ARB2A: variants seen among roughly 807,000 people sequenced by gnomAD.
ARB2A encodes ARB2 cotranscriptional regulator A, also known as cotranscriptional regulator ARB2A.
chr5:93,673,924 C>A, the ARB2A span, among the ~76,000 whole-genome samples: 1 of 151,870 alleles, frequency 6.6e-6, no homozygotes, highest in Non-Finnish European at 1.5e-5. Context: ...AGAAACATAT[C>A]CCTTTTATTC....
chr5:94,095,261 C>T, the ARB2A span, among the ~76,000 whole-genome samples: 1 of 152,190 alleles, frequency 6.6e-6, no homozygotes, highest in Admixed American at 6.5e-5. Flanking sequence ...GATCCTCAAT[C>T]ATACCATTAG....
the ARB2A span, among the ~76,000 whole-genome samples, chr5:93,662,008 C>T: frequency 1.3e-5 from 2 of 152,066 alleles, no homozygotes; most frequent in Admixed American, 6.6e-5. Context: ...TACCATATGT[C>T]GCATGAGAGC....
chr5:93,627,776 T>C, the ARB2A span, among the ~76,000 whole-genome samples: 1 of 152,060 alleles, frequency 6.6e-6, no homozygotes, highest in African/African-American at 2.4e-5. Context: ...ACTTGAAAGT[T>C]GAAACTACTC....
At chr5:93,804,800 A>G in the ARB2A span, 1 of 531,788 alleles carries the variant, frequency 1.9e-6, no homozygotes. Flanking sequence ...AAAACAAAGT[A>G]TATCTTTAGT....
the ARB2A span, among the ~76,000 whole-genome samples, chr5:94,107,396 T>C: frequency 2.0e-5 from 3 of 152,206 alleles, no homozygotes; most frequent in South Asian, 6.2e-4. Context: ...ACAAGTAAAA[T>C]TGTCATACAA....
the ARB2A span, among the ~76,000 whole-genome samples, chr5:94,001,152 C>T: frequency 1.3e-5 from 2 of 152,038 alleles, no homozygotes; most frequent in African/African-American, 4.8e-5. Context: ...CTCATATACA[C>T]TTTAGAATCA....
chr5:93,817,561 G>C, the ARB2A span, among the ~76,000 whole-genome samples: 2 of 152,156 alleles, frequency 1.3e-5, no homozygotes, highest in African/African-American at 4.8e-5. Flanking sequence ...TCTACTCCCT[G>C]ATTTCCAAAC....
the ARB2A span, among the ~76,000 whole-genome samples, chr5:94,035,253 A>ACATATG: frequency 2.0e-5 from 3 of 151,980 alleles, no homozygotes; most frequent in African/African-American, 7.3e-5. Flanking sequence ...ATATACATAT[A>ACATATG]CATCACTATA....
the ARB2A span, among the ~76,000 whole-genome samples, chr5:93,931,396 G>A: frequency 2.6e-5 from 4 of 152,086 alleles, no homozygotes; most frequent in Admixed American, 6.6e-5. Context: ...CCCAGGAGGC[G>A]GAGATTGCAG....
the ARB2A span, among the ~76,000 whole-genome samples, chr5:93,794,187 T>C: frequency 1.3e-5 from 2 of 152,130 alleles, no homozygotes; most frequent in East Asian, 1.9e-4. Context: ...TCTGAAGTTC[T>C]TTCTTCTGCT....
At chr5:93,824,525 T>G in the ARB2A span, among the ~76,000 whole-genome samples, 2 of 152,062 alleles carry the variant, frequency 1.3e-5, no homozygotes, top group Non-Finnish European at 2.9e-5. Context: ...TTCATGAAGG[T>G]CAAGAAACTT....
At chr5:93,716,712 A>G in the ARB2A span, among the ~76,000 whole-genome samples, 1 of 151,746 alleles carries the variant, frequency 6.6e-6, no homozygotes, top group South Asian at 2.1e-4. Flanking sequence ...AAAAAAAAAA[A>G]AAAAAATCAA....
the ARB2A span, among the ~76,000 whole-genome samples, chr5:93,875,305 G>T: frequency 1.3e-5 from 2 of 151,976 alleles, no homozygotes; most frequent in African/African-American, 2.4e-5. Context: ...GATCTCGGCT[G>T]GCTGCAACCT....
At chr5:93,706,911 T>C in the ARB2A span, among the ~76,000 whole-genome samples, 13 of 151,976 alleles carry the variant, frequency 8.6e-5, no homozygotes, top group Non-Finnish European at 2.9e-5. Flanking sequence ...TTATTTATTA[T>C]GATTCTAGTA....
chr5:94,094,191 G>A, the ARB2A span, among the ~76,000 whole-genome samples: 1 of 152,200 alleles, frequency 6.6e-6, no homozygotes, highest in Non-Finnish European at 1.5e-5. Context: ...GCTTAAACAA[G>A]ATAAATTTAT....
chr5:93,719,809 CT>C, the ARB2A span, among the ~76,000 whole-genome samples: 3 of 152,190 alleles, frequency 2.0e-5, no homozygotes, highest in African/African-American at 4.8e-5. Flanking sequence ...TGTTTCCTAT[CT>C]GTTTGGTTCC....
the ARB2A span, among the ~76,000 whole-genome samples, chr5:93,640,993 A>G: frequency 5.9e-5 from 9 of 151,888 alleles, no homozygotes; most frequent in Non-Finnish European, 1.0e-4. Context: ...CAAAGTCAGG[A>G]GTTTGAGACC....
the ARB2A span, among the ~76,000 whole-genome samples, chr5:93,797,724 A>G: frequency 6.6e-6 from 1 of 152,188 alleles, no homozygotes; most frequent in Non-Finnish European, 1.5e-5. Context: ...TGTTAATAAT[A>G]TAAAAGGCAA....
At chr5:93,836,311 G>A in the ARB2A span, among the ~76,000 whole-genome samples, 9 of 152,202 alleles carry the variant, frequency 5.9e-5, no homozygotes, top group African/African-American at 2.2e-4. Flanking sequence ...ACAGGCGTGA[G>A]CCACCACGCC....
Sources: gnomAD v4.1 joint callset for allele counts (sites outside exome capture counted in the v4.1 genomes callset) on GRCh38, gnomAD v4.1.1 for gene constraint, MANE v1.5 for transcripts, NCBI Gene and HGNC (gene_info 2026-07-23, HGNC 2026-07-21) for gene names.